Variants in BLM observed in about 807,000 individuals in gnomAD.
BLM encodes the protein recQ-like DNA helicase BLM.
Under a neutral mutation model 135.3 loss-of-function variants are expected in BLM, and 95 were observed. The ratio of observed to expected loss-of-function variants is 0.70; its 90% CI spans 0.59 to 0.83. The LOEUF (loss-of-function observed/expected upper bound fraction) is 0.83, where lower values mean the gene tolerates loss of function less well. Among genes scored for constraint, BLM ranks in the 40% least tolerant of loss-of-function variants. The pLI is 0.00. For missense variants in BLM, 1,518 were observed against 1,663.9 expected (o/e 0.91, Z 1.53); for synonymous variants, 520 against 589.2 (o/e 0.88, Z 1.70).
chr15:90,743,425 A>G (rs548436257), intron 1 of BLM, among the ~76,000 whole-genome samples: 1 of 152,108 alleles, frequency 6.6e-6, no homozygotes, highest in South Asian at 2.1e-4. Flanking sequence ...TGCTCATTGC[A>G]CCCAGAAATT....
At chr15:90,797,020 G>A (rs1897043021) in intron 16 of BLM, among the ~76,000 whole-genome samples, 1 of 152,094 alleles carries the variant, frequency 6.6e-6, no homozygotes, top group African/African-American at 2.4e-5. Flanking sequence ...GGAAGTGTGA[G>A]CGGCTGATGT....
At chr15:90,754,778 G>A (rs1376319750) in intron 4 of BLM, 33 bp from the exon 5 acceptor site, 2 of 1,606,790 alleles carry the variant, frequency 1.2e-6, no homozygotes, top group Non-Finnish European at 8.5e-7. Context: ...CTAGCCTATA[G>A]TATGATTGGC....
chr15:90,755,241 T>G, intron 5 of BLM: 3 of 360,626 alleles, frequency 8.3e-6, no homozygotes, highest in Non-Finnish European at 1.0e-5. Flanking sequence ...AATTTTTATT[T>G]ACAAATGAGA....
chr15:90,791,742 G>A (rs973195673), intron 15 of BLM, among the ~76,000 whole-genome samples: 7 of 151,806 alleles, frequency 4.6e-5, no homozygotes, highest in African/African-American at 1.5e-4. Context: ...GGGTTCAAGC[G>A]ATTTTCTCAC....
In BLM at chr15:90,802,695, T is replaced by A. The variant is rs556574782; in HGVS notation, c.3359-826T>A. On this transcript the variant is annotated intron_variant, in intron 17 of 21. Transcript: ENST00000355112. ...CAGTGGCTCATGCCTGTAATCCCAA[T>A]ACTGTGAGAAGCCAGGGTGGGAGGA... Among the ~76,000 whole-genome samples, 4 of 152,236 alleles carry A rather than the reference T, an allele frequency of 2.6e-5. No homozygotes were observed. In the South Asian group the frequency reaches 8.3e-4, roughly 32 times the overall value.
intron 14 of BLM, among the ~76,000 whole-genome samples, chr15:90,786,243 C>G (rs1462364777): frequency 6.6e-6 from 1 of 152,140 alleles, no homozygotes; most frequent in East Asian, 1.9e-4. Context: ...CTGCCTCAAC[C>G]TACCAAATTC....
chr15:90,736,072 G>A (rs767307489), intron 1 of BLM, among the ~76,000 whole-genome samples: 3 of 152,138 alleles, frequency 2.0e-5, no homozygotes, highest in South Asian at 2.1e-4. Flanking sequence ...CTGAAATACC[G>A]TTTCTCACCT....
rs28384979 is a variant in BLM at position 90,747,859 on chromosome 15, G to A, written c.98+369G>A. Among the ~76,000 whole-genome samples the A allele has an allele frequency of 1.1e-4, 17 of 152,298 alleles. No individual in the cohort carries two copies. The East Asian group carries it at 3.3e-3, about 29-fold the overall frequency. ...GTCTCGCTCTGTCGCACAGGCTGGA[G>A]TGCAGTGGCGCGATCTTGGCTCACT... On this transcript the variant is annotated intron_variant, in intron 2 of 21. Transcript: ENST00000355112.
chr15:90,727,686 C>T (rs911712980), intron 1 of BLM, among the ~76,000 whole-genome samples: 11 of 152,102 alleles, frequency 7.2e-5, no homozygotes, highest in African/African-American at 2.4e-4. Context: ...AGAGAACATG[C>T]ACTTTCTCAG....
intron 15 of BLM, 132 bp downstream of exon 15, chr15:90,790,976 T>C: frequency 3.4e-6 from 3 of 880,666 alleles, no homozygotes; most frequent in East Asian, 2.6e-5. Flanking sequence ...TTTATACAGA[T>C]TGGCAATTTT....
chr15:90,718,562 G>A (rs1894672764), intron 1 of BLM, among the ~76,000 whole-genome samples: 1 of 152,160 alleles, frequency 6.6e-6, no homozygotes, highest in Non-Finnish European at 1.5e-5. Flanking sequence ...TTCTGTTTGG[G>A]GAATAGTAAA....
At chr15:90,743,587 G>A (rs903962847) in intron 1 of BLM, among the ~76,000 whole-genome samples, 1 of 151,750 alleles carries the variant, frequency 6.6e-6, no homozygotes, top group African/African-American at 2.4e-5. Context: ...ATAGTGCAGT[G>A]GCTGTTTACA....
intron 12 of BLM, among the ~76,000 whole-genome samples, chr15:90,777,842 C>T (rs1022374428): frequency 1.3e-5 from 2 of 152,128 alleles, no homozygotes; most frequent in African/African-American, 4.8e-5. Context: ...GCAGCTGCTC[C>T]GCATCTTCTC....
intron 4 of BLM, 93 bp downstream of exon 4, chr15:90,752,039 T>G: frequency 8.4e-7 from 1 of 1,193,706 alleles, no homozygotes; most frequent in East Asian, 2.6e-5. Context: ...TATAAAAGTA[T>G]TTTGTGCTTT....
rs1250342410 is a variant in BLM, at chr15:90,763,121, C to T, written c.2038C>T (p.Leu680=). The T allele has an allele frequency of 5.0e-6, 8 of 1,613,990 alleles. No homozygotes were observed. Among genetic ancestry groups the T allele is most frequent in the Non-Finnish European group, 5.1e-6 (6 of 1,179,998 alleles). The part of the protein sequence containing the change: ...TNQLEAINAA[L]LGEDCFILMP... ...TCAGCTAGAGGCGATCAATGCTGCACTGCTTGGTGAAGACTGTTTTATCCT... is the reference window on the plus strand; with the variant it reads ...TCAGCTAGAGGCGATCAATGCTGCATTGCTTGGTGAAGACTGTTTTATCCT... The change falls in exon 8 of 22, where the codon CTG becomes TTG. Residue 680 remains leucine, a synonymous_variant. Coordinates refer to ENST00000355112, the MANE Select transcript of BLM (RefSeq NM_000057.4).
At chr15:90,759,081 T>C (rs527571809) in intron 5 of BLM, among the ~76,000 whole-genome samples, 1 of 152,278 alleles carries the variant, frequency 6.6e-6, no homozygotes, top group East Asian at 1.9e-4. Context: ...CCAATGACCT[T>C]GCTTACCCCA....
intron 18 of BLM, 118 bp downstream of exon 18, chr15:90,803,838 A>G (rs1897224327): frequency 1.9e-6 from 2 of 1,039,648 alleles, no homozygotes; most frequent in Admixed American, 2.4e-5. Context: ...ATACTGTTCT[A>G]TACGAACATA....
intron 19 of BLM, among the ~76,000 whole-genome samples, chr15:90,807,859 C>G (rs1897317759): frequency 6.6e-6 from 1 of 152,138 alleles, no homozygotes; most frequent in Admixed American, 6.6e-5. Context: ...AGTGCAGTGA[C>G]TTTGTTGACA....
Position 90,749,500 on chromosome 15 carries a change from C to T in BLM, c.232C>T (p.Pro78Ser), listed in dbSNP as rs1449002455. The change falls in exon 3 of 22, where the codon CCC (proline) becomes TCC (serine). Residue 78 changes from proline (P) to serine (S), a missense_variant. Pro to Ser is a moderately conservative substitution (Grantham distance 74). Coordinates refer to ENST00000355112, the MANE Select transcript of BLM (RefSeq NM_000057.4). ...AGACTTTTCCTTCAGTGAACCTCTA[C>T]CCAACACCACAAATCAGCAAAGGGT... ...TEDFSFSEPLPNTTNQQRVKD... is the reference protein window; with the variant it reads ...TEDFSFSEPLSNTTNQQRVKD... The T allele has an allele frequency of 1.2e-6, 2 of 1,614,136 alleles. No individual in the cohort carries two copies. The highest frequency in any genetic ancestry group is 1.7e-6 in the Non-Finnish European group (2 of 1,180,008).
Sources: allele counts gnomAD v4.1 joint callset (sites outside exome capture counted in the v4.1 genomes callset), GRCh38; gene constraint gnomAD v4.1.1; transcripts MANE v1.5; gene names NCBI Gene and HGNC (gene_info 2026-07-23, HGNC 2026-07-21).